ROBO2: variants seen among roughly 807,000 people sequenced by gnomAD.
ROBO2 encodes roundabout homolog 2.
A neutral mutation model predicts 160.8 loss-of-function variants in ROBO2; 53 were observed. The observed-to-expected ratio is 0.33, with a 90% CI of 0.26 to 0.41. ROBO2 has a LOEUF of 0.41. Ranked by LOEUF, ROBO2 falls within the 10% of genes least tolerant of loss-of-function variation. The pLI, the probability that ROBO2 is intolerant of heterozygous loss-of-function variation, is 1.00. For missense variants in ROBO2, 1,577 were observed against 1,722.4 expected, an observed-to-expected ratio of 0.92 and a Z score of 1.49; for synonymous variants, 664 against 611.7, an observed-to-expected ratio of 1.09 and a Z score of -1.26.
rs145929489 is a variant in ROBO2 at position 76,573,523 on chromosome 3, ATT to A, written c.110-524476_110-524475del. ...TGTCCCGTGGAAAAAATAGTTTTCA[ATT>A]TTTTTTTTTTTTTTGCTTATAGGAT... On this transcript the variant is annotated intron_variant, in intron 2 of 26. Transcript: ENST00000487694. 6.9e-3 allele frequency among the ~76,000 whole-genome samples: 940 copies of A among 136,630 alleles called. 8 individuals carry two copies. Among genetic ancestry groups the A allele is most frequent in the African/African-American group, 0.023 (847 of 37,438 alleles). 89.6% of individuals were successfully genotyped at this position (136,630 alleles called of 152,430 possible). A position where few individuals can be genotyped will look rare whatever the true frequency, so the allele number is the denominator to read the frequency against.
intron 2 of ROBO2, among the ~76,000 whole-genome samples, chr3:77,136,998 G>A (rs2150394241): frequency 6.6e-6 from 1 of 152,200 alleles, no homozygotes; most frequent in South Asian, 2.1e-4. Flanking sequence ...TACCCAGGCT[G>A]GTCTTAAACT....
intron 2 of ROBO2, among the ~76,000 whole-genome samples, chr3:76,930,396 T>C (rs1410350162): frequency 6.6e-6 from 1 of 152,156 alleles, no homozygotes; most frequent in African/African-American, 2.4e-5. Context: ...GGGTGAAGTC[T>C]CACCTGACTG....
chr3:76,506,791 G>GAAGTGATCCA (rs2080821202), intron 2 of ROBO2, among the ~76,000 whole-genome samples: 2 of 152,126 alleles, frequency 1.3e-5, no homozygotes, highest in South Asian at 4.1e-4. Flanking sequence ...TGTTCAAGGA[G>GAAGTGATCCA]GAGTGATCCC....
rs373257124 is a variant in ROBO2 at position 76,803,068 on chromosome 3, G to A, written c.110-294946G>A. Among the ~76,000 whole-genome samples the A allele has an allele frequency of 9.9e-5, 15 of 152,126 alleles. No homozygotes were observed. In the East Asian group the frequency reaches 2.1e-3, roughly 22 times the overall value. ...ATTAATAGAAAAGAGACAGAGCATG[G>A]AGTGTTTTGCTGAAAACAATTGTGA... On this transcript the variant is annotated intron_variant, in intron 2 of 26. Transcript: ENST00000487694.
intron 2 of ROBO2, among the ~76,000 whole-genome samples, chr3:77,438,150 C>T (rs549395202): frequency 7.3e-6 from 1 of 136,680 alleles, no homozygotes; most frequent in South Asian, 2.3e-4. Flanking sequence ...TGCTTGCACG[C>T]TCTCTCTCTG....
At chr3:76,490,494 A>G (rs1368428195) in intron 2 of ROBO2, among the ~76,000 whole-genome samples, 2 of 152,204 alleles carry the variant, frequency 1.3e-5, no homozygotes, top group African/African-American at 4.8e-5. Context: ...GACACAAAGA[A>G]AAAGAGTTCA....
chr3:76,249,962 T>C (rs1287827612), intron 2 of ROBO2, among the ~76,000 whole-genome samples: 1 of 152,074 alleles, frequency 6.6e-6, no homozygotes, highest in Non-Finnish European at 1.5e-5. Flanking sequence ...GTCTTTAATA[T>C]GTTAAGGTAT....
At chr3:76,433,845 T>C (rs2076546608) in intron 2 of ROBO2, among the ~76,000 whole-genome samples, 1 of 152,216 alleles carries the variant, frequency 6.6e-6, no homozygotes, top group African/African-American at 2.4e-5. Flanking sequence ...AAGACATAAT[T>C]GCTACTTTAG....
chr3:77,517,077 A>G (rs191248512), intron 5 of ROBO2, among the ~76,000 whole-genome samples: 1 of 151,824 alleles, frequency 6.6e-6, no homozygotes, highest in East Asian at 1.9e-4. Context: ...TAAGGAAACA[A>G]AAGATGTGGT....
At chr3:76,429,197 C>T (rs911133210) in intron 2 of ROBO2, among the ~76,000 whole-genome samples, 2 of 151,848 alleles carry the variant, frequency 1.3e-5, no homozygotes, top group South Asian at 4.2e-4. Context: ...CACACACCCA[C>T]TCACTCACAC....
At chr3:76,394,679 C>T (rs1314696551) in intron 2 of ROBO2, among the ~76,000 whole-genome samples, 2 of 152,006 alleles carry the variant, frequency 1.3e-5, no homozygotes, top group Admixed American at 1.3e-4. Context: ...GGTTGCAATC[C>T]TAGTCTCTGA....
intron 2 of ROBO2, among the ~76,000 whole-genome samples, chr3:76,087,952 A>G (rs2069081652): frequency 6.6e-6 from 1 of 152,104 alleles, no homozygotes; most frequent in Non-Finnish European, 1.5e-5. Flanking sequence ...TCAAGAAACT[A>G]CAAGCAATTA....
At chr3:76,506,322 A>T (rs907014880) in intron 2 of ROBO2, among the ~76,000 whole-genome samples, 1 of 152,162 alleles carries the variant, frequency 6.6e-6, no homozygotes, top group African/African-American at 2.4e-5. Context: ...TTCTGTTTCC[A>T]AGATTGCATT....
At chr3:75,991,247 G>T (rs2065559135) in intron 2 of ROBO2, among the ~76,000 whole-genome samples, 1 of 152,124 alleles carries the variant, frequency 6.6e-6, no homozygotes, top group Admixed American at 6.5e-5. Context: ...ATAAGGAAAA[G>T]ATACAAGATG....
chr3:77,517,017 C>T (rs988505676), intron 5 of ROBO2, among the ~76,000 whole-genome samples: 1 of 151,338 alleles, frequency 6.6e-6, no homozygotes, highest in Admixed American at 6.6e-5. Flanking sequence ...GAGAACCAGT[C>T]CTCATTCCCA....
At chr3:76,461,326 C>T (rs2078075321) in intron 2 of ROBO2, among the ~76,000 whole-genome samples, 1 of 152,176 alleles carries the variant, frequency 6.6e-6, no homozygotes. Context: ...ATCCAAACAT[C>T]TCCCACCAGG....
intron 2 of ROBO2, among the ~76,000 whole-genome samples, chr3:76,212,108 ATG>A (rs1392207174): frequency 6.6e-6 from 1 of 152,006 alleles, no homozygotes; most frequent in African/African-American, 2.4e-5. Context: ...TCAATTATGT[ATG>A]TTCTTTAAGT....
At chr3:76,808,993 C>G (rs1017298752) in intron 2 of ROBO2, among the ~76,000 whole-genome samples, 9 of 152,036 alleles carry the variant, frequency 5.9e-5, no homozygotes, top group African/African-American at 2.2e-4. Flanking sequence ...GAGAGTAGAT[C>G]GTCTACGCAT....
chr3:76,802,700 C>T (rs1328613923), intron 2 of ROBO2, among the ~76,000 whole-genome samples: 1 of 149,962 alleles, frequency 6.7e-6, no homozygotes, highest in East Asian at 2.0e-4. Context: ...TGCACTCCAG[C>T]CTGGGCGACA....
Sources: allele counts gnomAD v4.1 joint callset (sites outside exome capture counted in the v4.1 genomes callset), GRCh38; gene constraint gnomAD v4.1.1; transcripts MANE v1.5; gene names NCBI Gene and HGNC (gene_info 2026-07-23, HGNC 2026-07-21).